The following UNC5C variants were observed in gnomAD, a reference collection of about 807,000 sequenced individuals.
The protein encoded by UNC5C is unc-5 netrin receptor C, also known as netrin receptor UNC5C.
UNC5C carries 47 observed loss-of-function variants against 99.8 expected under a neutral mutation model. That is an observed-to-expected ratio of 0.47 (90% CI 0.37 to 0.60). UNC5C has a LOEUF of 0.60. UNC5C is among the 20% of genes least tolerant of loss of function. The pLI is 0.00. For missense variants in UNC5C, 1,062 were observed against 1,165.9 expected, an observed-to-expected ratio of 0.91 and a Z score of 1.30; for synonymous variants, 487 against 452.2, an observed-to-expected ratio of 1.08 and a Z score of -0.98.
At chr4:95,332,412 T>G (rs1371888172) in intron 2 of UNC5C, among the ~76,000 whole-genome samples, 1 of 147,848 alleles carries the variant, frequency 6.8e-6, no homozygotes, top group Non-Finnish European at 1.5e-5. Flanking sequence ...TCAGAAATAA[T>G]GCCACATATC....
rs932809225 is a variant in UNC5C, at chr4:95,310,675, C to T, written c.347-8926G>A. 4.6e-4 allele frequency among the ~76,000 whole-genome samples: 69 copies of T among 151,572 alleles called. No individual in the cohort carries two copies. The Admixed American group carries it at 4.6e-3, about 10-fold the overall frequency. ...CATTTCTAGGTCATTGACTCAATTC[C>T]TTTTTATGGCCATAGTTTTTAGGAA... On this transcript the variant is annotated intron_variant, in intron 2 of 15. Coordinates refer to ENST00000453304, the MANE Select transcript of UNC5C (RefSeq NM_003728.4).
intron 1 of UNC5C, among the ~76,000 whole-genome samples, chr4:95,396,633 C>T (rs1312032952): frequency 6.6e-6 from 1 of 152,142 alleles, no homozygotes; most frequent in African/African-American, 2.4e-5. Context: ...CTTACCCTCT[C>T]TCGACTGGTT....
At chr4:95,242,307 G>T in intron 7 of UNC5C, 122 bp downstream of exon 7, 1 of 1,346,252 alleles carries the variant, frequency 7.4e-7, no homozygotes, top group Non-Finnish European at 1.0e-6. Flanking sequence ...CTAGAATATT[G>T]CTATGTTATT....
intron 1 of UNC5C, among the ~76,000 whole-genome samples, chr4:95,395,110 C>T (rs1233093159): frequency 6.6e-6 from 1 of 152,192 alleles, no homozygotes; most frequent in Admixed American, 6.5e-5. Context: ...GTGGGCATGT[C>T]ATTTTGCCAA....
intron 12 of UNC5C, among the ~76,000 whole-genome samples, chr4:95,189,171 T>G (rs1736963697): frequency 6.6e-6 from 1 of 152,088 alleles, no homozygotes; most frequent in Admixed American, 6.6e-5. Context: ...CTACTGGGAG[T>G]TCCCCCACCT....
At chr4:95,477,496 A>G (rs531576638) in intron 1 of UNC5C, among the ~76,000 whole-genome samples, 2 of 152,046 alleles carry the variant, frequency 1.3e-5, no homozygotes, top group Non-Finnish European at 2.9e-5. Flanking sequence ...AGCACTGTCT[A>G]AAGGGGAGGG....
At chr4:95,435,798 T>C (rs1266289258) in intron 1 of UNC5C, among the ~76,000 whole-genome samples, 1 of 152,092 alleles carries the variant, frequency 6.6e-6, no homozygotes, top group Non-Finnish European at 1.5e-5. Flanking sequence ...CCATATTTAT[T>C]GTAGCGTTTA....
chr4:95,383,064 C>T (rs1745115971), intron 1 of UNC5C, among the ~76,000 whole-genome samples: 1 of 152,104 alleles, frequency 6.6e-6, no homozygotes, highest in South Asian at 2.1e-4. Context: ...AACAGAGGCC[C>T]CATACAAGAA....
chr4:95,232,559 G>C (rs971586236), intron 7 of UNC5C, among the ~76,000 whole-genome samples: 1 of 152,092 alleles, frequency 6.6e-6, no homozygotes, highest in South Asian at 2.1e-4. Context: ...CCCATGCTTT[G>C]CTGTAGTTGC....
intron 1 of UNC5C, among the ~76,000 whole-genome samples, chr4:95,540,107 G>A (rs1191359308): frequency 6.6e-6 from 1 of 152,114 alleles, no homozygotes; most frequent in Non-Finnish European, 1.5e-5. Context: ...TACTAGTATA[G>A]CACTGATTTA....
intron 1 of UNC5C, among the ~76,000 whole-genome samples, chr4:95,386,593 T>C (rs1745217290): frequency 6.6e-6 from 1 of 152,244 alleles, no homozygotes; most frequent in East Asian, 1.9e-4. Flanking sequence ...TGAAGCCTTC[T>C]GTTCCTCTCT....
intron 1 of UNC5C, among the ~76,000 whole-genome samples, chr4:95,477,241 C>CATAT (rs568702218): frequency 2.0e-5 from 3 of 150,916 alleles, no homozygotes; most frequent in South Asian, 4.2e-4. Flanking sequence ...CCTTTTGTAT[C>CATAT]ATATATATAT....
At chr4:95,494,700 A>T (rs79371371) in intron 1 of UNC5C, among the ~76,000 whole-genome samples, 3,279 of 151,594 alleles carry the variant, frequency 0.022, 126 homozygotes, top group African/African-American at 0.074. Flanking sequence ...ATTAAACTAA[A>T]TCTTAGCTAA....
intron 1 of UNC5C, among the ~76,000 whole-genome samples, chr4:95,499,699 C>A (rs1465983752): frequency 1.3e-5 from 2 of 152,052 alleles, no homozygotes; most frequent in Admixed American, 6.6e-5. Context: ...TCCAGGGAGA[C>A]CAAACACACT....
chr4:95,243,333 CA>C (rs1739392643), intron 6 of UNC5C, among the ~76,000 whole-genome samples: 2 of 152,192 alleles, frequency 1.3e-5, no homozygotes, highest in South Asian at 4.1e-4. Flanking sequence ...GGCTTGTCAG[CA>C]ACTTCAAAGA....
intron 4 of UNC5C, among the ~76,000 whole-genome samples, chr4:95,265,954 C>T (rs1269631622): frequency 1.3e-5 from 2 of 152,142 alleles, no homozygotes; most frequent in Non-Finnish European, 2.9e-5. Context: ...AATTTAATTG[C>T]CTCTTCCCTA....
At chr4:95,425,071 G>A (rs1213739943) in intron 1 of UNC5C, among the ~76,000 whole-genome samples, 1 of 151,870 alleles carries the variant, frequency 6.6e-6, no homozygotes, top group Admixed American at 6.6e-5. Flanking sequence ...AATGTTACTT[G>A]TCACTTTTCC....
chr4:95,186,633 A>G (rs1159700257), intron 12 of UNC5C, among the ~76,000 whole-genome samples: 1 of 152,216 alleles, frequency 6.6e-6, no homozygotes, highest in East Asian at 1.9e-4. Context: ...GTAAAAAAAT[A>G]TTAGGATAAT....
intron 1 of UNC5C, among the ~76,000 whole-genome samples, chr4:95,509,408 T>C: frequency 6.6e-6 from 1 of 151,806 alleles, no homozygotes; most frequent in Non-Finnish European, 1.5e-5. Context: ...AGGCCCTGAA[T>C]TGTAGCTAGA....
Sources: gnomAD v4.1 joint callset for allele counts (sites outside exome capture counted in the v4.1 genomes callset) on GRCh38, gnomAD v4.1.1 for gene constraint, MANE v1.5 for transcripts, NCBI Gene and HGNC (gene_info 2026-07-23, HGNC 2026-07-21) for gene names.